NXN: variants seen among roughly 807,000 people sequenced by gnomAD.
NXN encodes nucleoredoxin 1.
Under a neutral mutation model 48.6 loss-of-function variants are expected in NXN, and 16 were observed. That is an observed-to-expected ratio of 0.33 (90% confidence interval 0.22 to 0.50). NXN has a LOEUF of 0.50. Ranked by LOEUF, NXN falls within the 20% of genes least tolerant of loss-of-function variation. The probability of loss-of-function intolerance (pLI) is 0.98; values close to 1 mark genes in which losing one functional copy is unlikely to be tolerated. For missense variants in NXN, 492 were observed against 605.5 expected (o/e 0.81, Z 1.97); for synonymous variants, 281 against 269.6 (o/e 1.04, Z -0.41).
In NXN at chr17:841,513, G is replaced by A. The variant is rs868239230; in HGVS notation, c.361-15435C>T. ...TGACCACGGCGCATCTCACACGGGC[G>A]AGCAGGTCCCCCCGACCATGGAGCA... On this transcript the variant is annotated intron_variant, in intron 1 of 7. Transcript: ENST00000336868. Among the ~76,000 whole-genome samples the A allele has an allele frequency of 6.8e-4, 70 of 102,206 alleles. 1 individual carries two copies. Among genetic ancestry groups the A allele is most frequent in the African/African-American group, 1.4e-3 (42 of 31,054 alleles). 67.1% of individuals were successfully genotyped at this position (102,206 alleles called of 152,430 possible). A position where few individuals can be genotyped will look rare whatever the true frequency, so the allele number is the denominator to read the frequency against.
At chr17:957,628 T>C (rs1191648533) in intron 1 of NXN, among the ~76,000 whole-genome samples, 2 of 120,748 alleles carry the variant, frequency 1.7e-5, no homozygotes, top group Non-Finnish European at 3.7e-5. Flanking sequence ...CAAGACTCCA[T>C]CTCAAAAAAA....
At chr17:938,586 G>A (rs573281575) in intron 1 of NXN, among the ~76,000 whole-genome samples, 17 of 152,220 alleles carry the variant, frequency 1.1e-4, no homozygotes, top group African/African-American at 3.6e-4. Context: ...GGGAGGCGGA[G>A]GCAGGAGAAT....
rs1422815413 is a variant in NXN, at chr17:830,383, G to A, written c.361-4305C>T. ...CCGAGAAGTAACAGAAAGAAAACAG[G>A]GCGGGTAAGATCACGGCTGCAACTG... On this transcript the variant is annotated intron_variant, in intron 1 of 7. Transcript: ENST00000336868. This position sits in a 1 kb window ranked among gnomAD's most constrained non-coding sequence, Gnocchi z 4.2. 6.6e-6 allele frequency among the ~76,000 whole-genome samples: 1 copy of A among 152,060 alleles called. No homozygotes were observed. Among genetic ancestry groups the A allele is most frequent in the Non-Finnish European group, 1.5e-5 (1 of 68,024 alleles).
At chr17:944,888 A>C (rs2069024625) in intron 1 of NXN, among the ~76,000 whole-genome samples, 1 of 152,154 alleles carries the variant, frequency 6.6e-6, no homozygotes, top group African/African-American at 2.4e-5. Flanking sequence ...TTTAAAAACC[A>C]ACAATAACAA....
intron 5 of NXN, among the ~76,000 whole-genome samples, chr17:812,456 C>G (rs1185500715): frequency 6.6e-6 from 1 of 152,176 alleles, no homozygotes; most frequent in African/African-American, 2.4e-5. Context: ...GACTGAGACC[C>G]CAGGGCACAG....
chr17:812,860 AG>A (rs1555609469), intron 5 of NXN, among the ~76,000 whole-genome samples: 4 of 120,266 alleles, frequency 3.3e-5, no homozygotes, highest in Non-Finnish European at 7.0e-5. Flanking sequence ...GCATGTGTGT[AG>A]GTGTGTGTGG....
At chr17:848,930 C>T (rs781140173) in intron 1 of NXN, among the ~76,000 whole-genome samples, 8 of 152,182 alleles carry the variant, frequency 5.3e-5, no homozygotes, top group Admixed American at 2.0e-4. Context: ...CCATACCACA[C>T]ATGTGCCTGG....
At chr17:801,267 G>T in intron 7 of NXN, 136 bp from the exon 8 acceptor site, 3 of 569,086 alleles carry the variant, frequency 5.3e-6, no homozygotes, top group Non-Finnish European at 8.0e-6. Context: ...AGGGCTCCCA[G>T]CCTGGGAAGG....
At chr17:827,822 G>C (rs1249734032) in intron 1 of NXN, among the ~76,000 whole-genome samples, 1 of 152,164 alleles carries the variant, frequency 6.6e-6, no homozygotes, top group African/African-American at 2.4e-5. Flanking sequence ...GCAGGCATGA[G>C]AAGGGCAGCA....
At chr17:860,315 G>A (rs1294823322) in intron 1 of NXN, among the ~76,000 whole-genome samples, 1 of 144,678 alleles carries the variant, frequency 6.9e-6, no homozygotes, top group African/African-American at 2.6e-5. Context: ...ATAGAGACAG[G>A]GTTTCGCCAT....
chr17:830,464 T>G lies in NXN; in HGVS notation c.361-4386A>C, dbSNP rs1597639516. ...GACAGGCGTCCGGGAGGAATGACAT[T>G]TGGGCACAGACCTCAGCAAGGAAAT... On this transcript the variant is annotated intron_variant, in intron 1 of 7. Coordinates refer to ENST00000336868, the MANE Select transcript of NXN (RefSeq NM_022463.5). The surrounding 1 kb of genome is among the most constrained non-coding windows in gnomAD (Gnocchi z 4.2). Among the ~76,000 whole-genome samples, 1 of 151,296 alleles carries G rather than the reference T, an allele frequency of 6.6e-6. No homozygotes were observed. Among genetic ancestry groups the G allele is most frequent in the Non-Finnish European group, 1.5e-5 (1 of 67,958 alleles).
chr17:848,865 G>A (rs1273337813), intron 1 of NXN, among the ~76,000 whole-genome samples: 2 of 152,190 alleles, frequency 1.3e-5, no homozygotes, highest in East Asian at 1.9e-4. Context: ...TGGAGATGAC[G>A]GAGGTTTTTC....
At chr17:843,371 ACGG>A (rs1567829377) in intron 1 of NXN, among the ~76,000 whole-genome samples, 1 of 152,164 alleles carries the variant, frequency 6.6e-6, no homozygotes, top group Non-Finnish European at 1.5e-5. Flanking sequence ...GGGAGCACAA[ACGG>A]CATATGGCTG....
At chr17:887,726 T>C (rs72812022) in intron 1 of NXN, among the ~76,000 whole-genome samples, 18,244 of 152,150 alleles carry the variant, frequency 0.12, 1,333 homozygotes, top group Middle Eastern at 0.18. Flanking sequence ...AGCTGGCCCC[T>C]ATGGCTTGAG....
At chr17:976,196 T>C (rs1200266743) in intron 1 of NXN, among the ~76,000 whole-genome samples, 1 of 152,016 alleles carries the variant, frequency 6.6e-6, no homozygotes, top group East Asian at 1.9e-4. Context: ...GTCCTTTTTT[T>C]TTTTGGTGTT....
chr17:804,670 G>A (rs1032343452), intron 6 of NXN, among the ~76,000 whole-genome samples: 3 of 152,242 alleles, frequency 2.0e-5, no homozygotes, highest in African/African-American at 7.2e-5. Context: ...GCAGCCACCG[G>A]GCTGGAGCAG....
Position 805,162 on chromosome 17 carries a change from G to A in NXN, c.906C>T (p.Cys302=). Residue 302 remains cysteine, a synonymous_variant, in exon 6 of 8, where the codon TGC becomes TGT. Transcript: ENST00000336868. The part of the protein sequence containing the change: ...GRVEVLNDED[C]REFPWHPKPV... ...GCTTGGGGTGCCAGGGGAACTCCCG[G>A]CAGTCCTCGTCGTTCAGCACCTCCA... is the stretch of plus-strand genomic sequence containing the variant. 1 of 1,610,266 alleles carries A rather than the reference G, an allele frequency of 6.2e-7. No homozygotes were observed. Among genetic ancestry groups the A allele is most frequent in the Non-Finnish European group, 8.5e-7 (1 of 1,178,932 alleles).
chr17:960,770 G>A (rs766616462), intron 1 of NXN, among the ~76,000 whole-genome samples: 3 of 150,520 alleles, frequency 2.0e-5, no homozygotes, highest in Non-Finnish European at 4.4e-5. Flanking sequence ...GAGCCACCAC[G>A]CCTGGCCAAT....
At chr17:945,920 A>AGCAAACC (rs2069038293) in intron 1 of NXN, among the ~76,000 whole-genome samples, 1 of 151,976 alleles carries the variant, frequency 6.6e-6, no homozygotes, top group Non-Finnish European at 1.5e-5. Context: ...CCAGCAAACC[A>AGCAAACC]CAGGCTGGAA....
Sources: gnomAD v4.1 joint callset for allele counts (sites outside exome capture counted in the v4.1 genomes callset) on GRCh38, gnomAD v4.1.1 for gene constraint, Gnocchi (gnomAD v3.1) non-coding constraint, MANE v1.5 for transcripts, NCBI Gene and HGNC (gene_info 2026-07-23, HGNC 2026-07-21) for gene names.